The following MBD5 variants were observed in gnomAD, a reference collection of about 807,000 sequenced individuals.
MBD5 encodes the protein methyl-CpG-binding domain protein 5.
MBD5 carries 13 observed loss-of-function variants against 117.3 expected under a neutral mutation model. The observed-to-expected ratio is 0.11, with a 90% CI of 0.07 to 0.18. The LOEUF is 0.18. Among genes scored for constraint, MBD5 ranks in the 10% least tolerant of loss-of-function variants. MBD5 has a pLI of 1.00. For missense variants in MBD5, 1,879 were observed against 2,093.8 expected (o/e 0.90, Z 2.00); for synonymous variants, 727 against 766.4 (o/e 0.95, Z 0.85).
At chr2:148,490,751 G>T in intron 11 of MBD5, 157 bp downstream of exon 11, 1 of 869,032 alleles carries the variant, frequency 1.2e-6, no homozygotes, top group Non-Finnish European at 1.8e-6. Context: ...ATGAAGAGGG[G>T]ATGGTTATAG....
intron 1 of MBD5, among the ~76,000 whole-genome samples, chr2:148,169,952 C>G (rs1160603206): frequency 1.3e-5 from 2 of 149,916 alleles, no homozygotes; most frequent in African/African-American, 4.9e-5. Flanking sequence ...GGCTGGAGTG[C>G]AGTGGCGCGA....
At chr2:148,467,197 T>G (rs1707291023) in intron 7 of MBD5, among the ~76,000 whole-genome samples, 2 of 152,188 alleles carry the variant, frequency 1.3e-5, no homozygotes. Context: ...GGAATTGGCA[T>G]ATGAAACAAA....
chr2:148,038,151 G>A (rs1694248215), intron 1 of MBD5, among the ~76,000 whole-genome samples: 1 of 151,952 alleles, frequency 6.6e-6, no homozygotes, highest in Non-Finnish European at 1.5e-5. Context: ...AAATAAAGCA[G>A]GAATGTGAAA....
At chr2:148,410,587 C>A (rs1165878508) in intron 4 of MBD5, among the ~76,000 whole-genome samples, 3 of 152,128 alleles carry the variant, frequency 2.0e-5, no homozygotes, top group Non-Finnish European at 4.4e-5. Context: ...TGCACCACCA[C>A]ACCTAGCTAA....
chr2:148,398,115 C>T (rs1347611696), intron 4 of MBD5, among the ~76,000 whole-genome samples: 3 of 152,232 alleles, frequency 2.0e-5, no homozygotes, highest in East Asian at 3.9e-4. Context: ...AATAAACATA[C>T]GTGTGCATGT....
At chr2:148,366,138 C>T (rs536935688) in intron 4 of MBD5, among the ~76,000 whole-genome samples, 78 of 152,092 alleles carry the variant, frequency 5.1e-4, no homozygotes, top group African/African-American at 1.5e-3. Flanking sequence ...ATGATCGAGT[C>T]GACTTCATAC....
Position 148,470,310 on chromosome 2 carries a change from T to C in MBD5, c.2367T>C (p.Ala789=). The C allele has an allele frequency of 6.2e-7, 1 of 1,613,950 alleles. No individual in the cohort carries two copies. The part of the protein sequence containing the change: ...HLAGLINQIQ[A]SGNCGMLSQS... ...CAGGTTTAATAAATCAGATTCAGGC[T>C]AGCGGGAACTGTGGGATGCTCAGTC... The change falls in exon 8 of 14, where the codon GCT becomes GCC. Residue 789 remains alanine, a synonymous_variant. Transcript: ENST00000642680.
chr2:148,412,273 TGTG>T (rs1325412706), intron 4 of MBD5, among the ~76,000 whole-genome samples: 1 of 26,036 alleles, frequency 3.8e-5, no homozygotes, highest in African/African-American at 1.9e-4. Flanking sequence ...GTATACTTTT[TGTG>T]TGTGTGTGTG....
intron 8 of MBD5, among the ~76,000 whole-genome samples, chr2:148,478,192 G>T (rs1451907392): frequency 1.3e-5 from 2 of 152,094 alleles, no homozygotes; most frequent in Non-Finnish European, 1.5e-5. Flanking sequence ...TTAATATTAG[G>T]AAAATATCCT....
intron 3 of MBD5, among the ~76,000 whole-genome samples, chr2:148,235,212 G>A (rs1700066109): frequency 6.6e-6 from 1 of 151,826 alleles, no homozygotes; most frequent in Non-Finnish European, 1.5e-5. Context: ...TATTTGTATT[G>A]TCTTTTTTCT....
chr2:148,469,217 G>C lies in MBD5; in HGVS notation c.1274G>C (p.Arg425Thr). ...ATGAATCATGGGAGTCATGTACAAA[G>C]AGTTCAGCATTCAGCTTCAACCTCC... ...GHMNHGSHVQ[R>T]VQHSASTSLS... is the part of the protein sequence containing the mutation. The change falls in exon 8 of 14, where the codon AGA becomes ACA. Residue 425 changes from arginine to threonine, a missense_variant. Coordinates refer to ENST00000642680, the MANE Select transcript of MBD5 (RefSeq NM_001378120.1). 6.2e-7 allele frequency: 1 copy of C among 1,614,016 alleles called. No homozygotes were observed. The highest frequency in any genetic ancestry group is 8.5e-7 in the Non-Finnish European group (1 of 1,179,972).
rs1212597626 is a variant in MBD5 at position 148,435,616 on chromosome 2, A to G, written c.-556-22587A>G. 3.3e-5 allele frequency among the ~76,000 whole-genome samples: 5 copies of G among 152,272 alleles called. No homozygotes were observed. The East Asian group carries it at 7.7e-4, about 23-fold the overall frequency. On this transcript the variant is annotated intron_variant, in intron 4 of 13. Transcript: ENST00000642680. ...GGTTTCTGCTGAAAGGTCTGCTATT[A>G]GCCTGAAGAGATTTCCCTTGTAGGT...
chr2:148,115,295 G>T (rs1053688650), intron 1 of MBD5, among the ~76,000 whole-genome samples: 8 of 152,126 alleles, frequency 5.3e-5, no homozygotes, highest in African/African-American at 1.9e-4. Context: ...TAGTGGAATT[G>T]TTATTGGTGA....
rs117234065 is a variant in MBD5 at position 148,047,575 on chromosome 2, T to C, written c.-925+25891T>C. ...GTGCCTTGATAAATGTTTGTGTTTGTGCCACACAGGCACTAGGGGTACAAA... is the reference window on the plus strand; with the variant it reads ...GTGCCTTGATAAATGTTTGTGTTTGCGCCACACAGGCACTAGGGGTACAAA... On this transcript the variant is annotated intron_variant, in intron 1 of 13. Transcript: ENST00000642680. 1.8e-3 allele frequency among the ~76,000 whole-genome samples: 278 copies of C among 152,344 alleles called. 5 individuals carry two copies. The East Asian group carries it at 0.023, about 12-fold the overall frequency.
intron 2 of MBD5, among the ~76,000 whole-genome samples, chr2:148,181,607 C>A (rs539397147): frequency 6.6e-6 from 1 of 152,232 alleles, no homozygotes; most frequent in Non-Finnish European, 1.5e-5. Context: ...GTTTGAGTAT[C>A]TCATCATATA....
chr2:148,292,261 C>A (rs556852702), intron 3 of MBD5, among the ~76,000 whole-genome samples: 1 of 152,054 alleles, frequency 6.6e-6, no homozygotes, highest in Admixed American at 6.6e-5. Context: ...AGGAAACAGT[C>A]AAGAAAGTGA....
intron 1 of MBD5, among the ~76,000 whole-genome samples, chr2:148,173,473 G>A (rs1698312792): frequency 1.3e-5 from 2 of 152,214 alleles, no homozygotes; most frequent in South Asian, 4.1e-4. Context: ...CCCTTGGCAA[G>A]TGTGGATCTG....
intron 2 of MBD5, among the ~76,000 whole-genome samples, chr2:148,186,128 C>T (rs139587752): frequency 0.038 from 5,766 of 152,310 alleles, 123 homozygotes; most frequent in Middle Eastern, 0.065. Context: ...GCTGTGTCAC[C>T]ACTCAGATCT....
At chr2:148,108,178 A>G (rs994105181) in intron 1 of MBD5, among the ~76,000 whole-genome samples, 46 of 152,328 alleles carry the variant, frequency 3.0e-4, no homozygotes, top group Non-Finnish European at 8.8e-5. Context: ...TAGTGCTTTA[A>G]AAGCATAGTC....
Sources: gnomAD v4.1 joint callset for allele counts (sites outside exome capture counted in the v4.1 genomes callset) on GRCh38, gnomAD v4.1.1 for gene constraint, MANE v1.5 for transcripts, NCBI Gene and HGNC (gene_info 2026-07-23, HGNC 2026-07-21) for gene names.